Variants in SLC35F1 observed in about 807,000 individuals in gnomAD.
The protein encoded by SLC35F1 is chromosome 6 open reading frame 169.
Under a neutral mutation model 48.7 loss-of-function variants are expected in SLC35F1, and 14 were observed. The ratio of observed to expected loss-of-function variants is 0.29; its 90% CI spans 0.19 to 0.45. SLC35F1 has a LOEUF of 0.45. Among genes scored for constraint, SLC35F1 ranks in the 20% least tolerant of loss-of-function variants. SLC35F1 has a pLI of 1.00. For synonymous variants in SLC35F1, 190 were observed against 202.2 expected (o/e 0.94, Z 0.51); for missense variants, 404 against 500.0 (o/e 0.81, Z 1.83).
intron 1 of SLC35F1, among the ~76,000 whole-genome samples, chr6:117,949,603 C>A (rs1776337421): frequency 6.6e-6 from 1 of 152,176 alleles, no homozygotes; most frequent in Non-Finnish European, 1.5e-5. Flanking sequence ...CATCCTTTAA[C>A]ACCATTCCTG....
chr6:118,280,715 TA>T (rs1775972633), intron 6 of SLC35F1, among the ~76,000 whole-genome samples: 1 of 151,820 alleles, frequency 6.6e-6, no homozygotes, highest in African/African-American at 2.4e-5. Flanking sequence ...GTGCCTCTAC[TA>T]AAAATACAAA....
At position 118,022,201 on chromosome 6, in the gene SLC35F1, C is replaced by T. The variant is rs140017234; in HGVS notation, c.173+114302C>T. Among the ~76,000 whole-genome samples the T allele has an allele frequency of 5.1e-3, 778 of 152,224 alleles. 5 individuals carry two copies. The highest frequency in any genetic ancestry group is 0.018 in the African/African-American group (742 of 41,518). On this transcript the variant is annotated intron_variant, in intron 1 of 7. Transcript: ENST00000360388. ...GAGTTTTGTTACAAAGTCTTTCTGACTACAGCATCAAAATGAAATTGGTGA... is the reference window on the plus strand; with the variant it reads ...GAGTTTTGTTACAAAGTCTTTCTGATTACAGCATCAAAATGAAATTGGTGA...
At chr6:118,020,388 G>C (rs942546001) in intron 1 of SLC35F1, among the ~76,000 whole-genome samples, 1 of 152,218 alleles carries the variant, frequency 6.6e-6, no homozygotes, top group Non-Finnish European at 1.5e-5. Flanking sequence ...TGCACAGTCA[G>C]TGTGGTATCA....
chr6:118,227,705 A>G (rs2065707), intron 2 of SLC35F1, among the ~76,000 whole-genome samples: 142,119 of 152,238 alleles, frequency 0.93, 66,398 homozygotes, highest in East Asian at 0.98. Flanking sequence ...ATGCTAGGCA[A>G]TATAGGGTGG....
chr6:118,088,272 T>G (rs2114336996), intron 1 of SLC35F1, among the ~76,000 whole-genome samples: 1 of 152,346 alleles, frequency 6.6e-6, no homozygotes, highest in South Asian at 2.1e-4. Flanking sequence ...GATCCTTATT[T>G]TAAAATGTAG....
intron 1 of SLC35F1, among the ~76,000 whole-genome samples, chr6:118,005,152 G>C (rs769877648): frequency 1.2e-4 from 19 of 152,144 alleles, no homozygotes; most frequent in Admixed American, 2.6e-4. Context: ...AAAAGGTATG[G>C]AGGAGTGGAA....
chr6:118,148,170 C>G (rs752114244), intron 1 of SLC35F1, among the ~76,000 whole-genome samples: 6 of 152,152 alleles, frequency 3.9e-5, no homozygotes, highest in African/African-American at 9.7e-5. Flanking sequence ...TCAGATCTGA[C>G]ATGACTTTCC....
rs79221650 is a variant in SLC35F1 at position 117,908,206 on chromosome 6, C to T, written c.173+307C>T. 8.1e-3 allele frequency among the ~76,000 whole-genome samples: 1,226 copies of T among 152,256 alleles called. 19 individuals are homozygous for T. The highest frequency in any genetic ancestry group is 0.028 in the African/African-American group (1,143 of 41,552). On this transcript the variant is annotated intron_variant, in intron 1 of 7. Transcript: ENST00000360388. ...GCACTCACACCCTCCATACGCGTGC[C>T]GCCTCACTTCCCTTTCCCTCTCGCA...
chr6:118,309,701 G>C (rs1238103410), intron 7 of SLC35F1, among the ~76,000 whole-genome samples: 1 of 152,194 alleles, frequency 6.6e-6, no homozygotes, highest in East Asian at 1.9e-4. Flanking sequence ...TCATTAGTTT[G>C]TTAAAATTCA....
intron 2 of SLC35F1, among the ~76,000 whole-genome samples, chr6:118,179,812 T>C (rs1418410427): frequency 1.3e-5 from 2 of 152,134 alleles, no homozygotes; most frequent in African/African-American, 2.4e-5. Flanking sequence ...GTAGCTCCTA[T>C]AGACAGACAC....
At chr6:117,927,976 G>A (rs1467026826) in intron 1 of SLC35F1, among the ~76,000 whole-genome samples, 1 of 152,138 alleles carries the variant, frequency 6.6e-6, no homozygotes, top group Non-Finnish European at 1.5e-5. Flanking sequence ...TCCTTGAACT[G>A]TGTAAGCAGC....
intron 1 of SLC35F1, among the ~76,000 whole-genome samples, chr6:118,007,330 C>T (rs879618221): frequency 7.2e-5 from 11 of 152,162 alleles, no homozygotes; most frequent in African/African-American, 2.4e-4. Context: ...AATACTGTCA[C>T]ATTGGGAATT....
At chr6:118,197,289 T>C (rs768891942) in intron 2 of SLC35F1, among the ~76,000 whole-genome samples, 12 of 152,104 alleles carry the variant, frequency 7.9e-5, no homozygotes, top group Non-Finnish European at 1.6e-4. Context: ...TGTCTTTAGA[T>C]AACCTAAGAG....
chr6:118,280,644 G>A (rs1775971367), intron 6 of SLC35F1, among the ~76,000 whole-genome samples: 1 of 152,210 alleles, frequency 6.6e-6, no homozygotes, highest in South Asian at 2.1e-4. Context: ...TTGGGAGGCT[G>A]AGGCGGGCGG....
At chr6:118,139,315 T>C (rs1773848089) in intron 1 of SLC35F1, among the ~76,000 whole-genome samples, 1 of 152,108 alleles carries the variant, frequency 6.6e-6, no homozygotes, top group South Asian at 2.1e-4. Context: ...GGTTTCACCG[T>C]GTTAGCCAGG....
intron 7 of SLC35F1, among the ~76,000 whole-genome samples, chr6:118,307,237 T>C (rs1776322043): frequency 6.6e-6 from 1 of 152,170 alleles, no homozygotes; most frequent in African/African-American, 2.4e-5. Context: ...TTGATTAAAT[T>C]AACATGAATT....
At chr6:118,159,480 A>T (rs1774195657) in intron 2 of SLC35F1, among the ~76,000 whole-genome samples, 1 of 152,312 alleles carries the variant, frequency 6.6e-6, no homozygotes, top group Non-Finnish European at 1.5e-5. Flanking sequence ...GTGACTAAGG[A>T]ATGTGACTAA....
chr6:118,048,047 A>G (rs916423676), intron 1 of SLC35F1, among the ~76,000 whole-genome samples: 8 of 152,110 alleles, frequency 5.3e-5, no homozygotes, highest in African/African-American at 1.9e-4. Context: ...TTATTTTGAG[A>G]TACATCCCAT....
At chr6:117,991,635 C>A (rs1776920386) in intron 1 of SLC35F1, among the ~76,000 whole-genome samples, 1 of 152,166 alleles carries the variant, frequency 6.6e-6, no homozygotes, top group African/African-American at 2.4e-5. Flanking sequence ...GAACAGCCTG[C>A]TGCATACGTC....
Sources: gnomAD v4.1 joint callset for allele counts (sites outside exome capture counted in the v4.1 genomes callset) on GRCh38, gnomAD v4.1.1 for gene constraint, MANE v1.5 for transcripts, NCBI Gene and HGNC (gene_info 2026-07-23, HGNC 2026-07-21) for gene names.